The following CELF4 variants were observed in gnomAD, a reference collection of about 807,000 sequenced individuals.
CELF4 encodes the protein CUGBP Elav-like family member 4, also known as CUG-BP- and ETR-3-like factor 4.
In CELF4, 18 loss-of-function variants were observed where a neutral mutation model predicts 59.9. The observed-to-expected ratio is 0.30, with a 90% CI of 0.21 to 0.45. The LOEUF is 0.45. CELF4 is among the 20% of genes least tolerant of loss of function. The pLI, the probability that CELF4 is intolerant of heterozygous loss-of-function variation, is 1.00. For synonymous variants in CELF4, 261 were observed against 267.1 expected (o/e 0.98, Z 0.22); for missense variants, 456 against 689.0 (o/e 0.66, Z 3.79).
At chr18:37,351,608 CTTCTT>C (rs1182647330) in intron 2 of CELF4, among the ~76,000 whole-genome samples, 1,145 of 89,858 alleles carry the variant, frequency 0.013, 7 homozygotes, top group Admixed American at 0.032. Flanking sequence ...TTTTCTTCTT[CTTCTT>C]TTTTTTTTTT....
chr18:37,555,715 C>T (rs2099984578), intron 1 of CELF4, among the ~76,000 whole-genome samples: 1 of 152,210 alleles, frequency 6.6e-6, no homozygotes, highest in African/African-American at 2.4e-5. Flanking sequence ...TCTGGGCTGG[C>T]TGTCACATTG....
chr18:37,301,474 C>G (rs1443004904), intron 3 of CELF4, among the ~76,000 whole-genome samples: 1 of 152,220 alleles, frequency 6.6e-6, no homozygotes, highest in African/African-American at 2.4e-5. Context: ...CCCAGCAGGA[C>G]AGCTACCACA....
At chr18:37,491,779 G>A (rs528448048) in intron 1 of CELF4, among the ~76,000 whole-genome samples, 32 of 152,310 alleles carry the variant, frequency 2.1e-4, no homozygotes, top group South Asian at 1.5e-3. Context: ...CATGGGCAGC[G>A]TGCAGACCAT....
At chr18:37,450,460 C>G (rs2099760097) in intron 2 of CELF4, among the ~76,000 whole-genome samples, 1 of 151,726 alleles carries the variant, frequency 6.6e-6, no homozygotes, top group South Asian at 2.1e-4. Context: ...AGGAAGAGGC[C>G]TGCAAAGGAC....
rs189229811 is a variant in CELF4, at chr18:37,313,547, T to C, written c.448+8256A>G. 2.0e-4 allele frequency among the ~76,000 whole-genome samples: 31 copies of C among 152,212 alleles called. 1 individual carries two copies. Among genetic ancestry groups the C allele is most frequent in the Admixed American group, 1.9e-3 (29 of 15,284 alleles). ...AAGATTCTGGAAGGGAGAAACCCAG[T>C]ACCAAAAGTCAGCAGTTGTGGCTAG... On this transcript the variant is annotated intron_variant, in intron 3 of 12. Transcript: ENST00000420428.
chr18:37,498,008 C>T (rs1253791743), intron 1 of CELF4, among the ~76,000 whole-genome samples: 2 of 152,162 alleles, frequency 1.3e-5, no homozygotes, highest in East Asian at 3.9e-4. Context: ...ATGTCCTGAA[C>T]TCTGGACTCT....
intron 1 of CELF4, among the ~76,000 whole-genome samples, chr18:37,551,729 A>T (rs1407668635): frequency 6.6e-6 from 1 of 152,216 alleles, no homozygotes; most frequent in Non-Finnish European, 1.5e-5. Flanking sequence ...TTCTCAGCCC[A>T]AGTGGGCTGC....
rs1053234673 is a variant in CELF4 at position 37,254,048 on chromosome 18, C to T, written c.1334-110G>A. ...GGCGGGGCGGGCCTGAGGCTCTCCC[C>T]CTCGGGCCCCGCCCCCGGCCCCGCC... On this transcript the variant is annotated intron_variant, in intron 11 of 12. Transcript: ENST00000420428. This position sits in a 1 kb window ranked among gnomAD's most constrained non-coding sequence, Gnocchi z 5.1. 9.8e-6 allele frequency: 8 copies of T among 814,872 alleles called. No homozygotes were observed. Among genetic ancestry groups the T allele is most frequent in the Non-Finnish European group, 1.1e-5 (7 of 616,194 alleles). 50.5% of individuals were successfully genotyped at this position (814,872 alleles called of 1,614,324 possible).
chr18:37,297,634 C>A (rs779773266), intron 3 of CELF4, among the ~76,000 whole-genome samples: 2 of 152,256 alleles, frequency 1.3e-5, no homozygotes, highest in Non-Finnish European at 2.9e-5. Context: ...GACACCCACA[C>A]CCCTGTGAAG....
At chr18:37,409,993 C>A (rs984692618) in intron 2 of CELF4, among the ~76,000 whole-genome samples, 1 of 152,142 alleles carries the variant, frequency 6.6e-6, no homozygotes, top group African/African-American at 2.4e-5. Context: ...TGGTTGGCTG[C>A]TAATATTGGG....
chr18:37,565,341 G>T lies in CELF4; in HGVS notation c.286+15C>A, dbSNP rs2099987919. The T allele has an allele frequency of 1.4e-6, 2 of 1,460,650 alleles. No individual in the cohort carries two copies. Among genetic ancestry groups the T allele is most frequent in the South Asian group, 3.1e-5 (2 of 65,270 alleles). The allele number at this position is 1,460,650 out of a possible 1,614,324, so 90.5% of individuals were successfully genotyped here. A position where few individuals can be genotyped will look rare whatever the true frequency, so the allele number is the denominator to read the frequency against. ...CCTGCTCCCCGGCAAAGTTGGGAGG[G>T]AAAGGTGTACTCACCTTTGTGCATG... On this transcript the variant is annotated intron_variant, in intron 1 of 12. Transcript: ENST00000420428.
chr18:37,488,826 T>C (rs2099888999), intron 1 of CELF4, among the ~76,000 whole-genome samples: 1 of 152,172 alleles, frequency 6.6e-6, no homozygotes, highest in Non-Finnish European at 1.5e-5. Flanking sequence ...AGGGAATGTA[T>C]TTGTGAAAGG....
At chr18:37,520,774 T>C (rs2099956441) in intron 1 of CELF4, among the ~76,000 whole-genome samples, 1 of 152,174 alleles carries the variant, frequency 6.6e-6, no homozygotes. Context: ...TGATGTCATA[T>C]ATTTCTGGGC....
intron 12 of CELF4, among the ~76,000 whole-genome samples, chr18:37,250,165 C>A (rs563670079): frequency 6.6e-6 from 1 of 152,296 alleles, no homozygotes; most frequent in East Asian, 1.9e-4. Context: ...TGGCCACATG[C>A]ATGTTTTTGC....
chr18:37,445,676 C>T (rs1014287856), intron 2 of CELF4, among the ~76,000 whole-genome samples: 3 of 151,842 alleles, frequency 2.0e-5, no homozygotes, highest in Non-Finnish European at 4.4e-5. Context: ...GGCAGAGGGA[C>T]GGGACAGTTG....
chr18:37,506,057 TC>T (rs1163206677), intron 1 of CELF4, among the ~76,000 whole-genome samples: 1 of 151,204 alleles, frequency 6.6e-6, no homozygotes, highest in African/African-American at 2.5e-5. Context: ...GGTTTGTTTC[TC>T]CCCCCTCCCC....
At chr18:37,546,382 A>G (rs1271995993) in intron 1 of CELF4, among the ~76,000 whole-genome samples, 5 of 148,298 alleles carry the variant, frequency 3.4e-5, no homozygotes, top group African/African-American at 1.3e-4. Context: ...ACCCACGCAC[A>G]TGTATGCGCA....
intron 1 of CELF4, among the ~76,000 whole-genome samples, chr18:37,497,737 A>T (rs1303152187): frequency 6.6e-6 from 1 of 152,172 alleles, no homozygotes; most frequent in Non-Finnish European, 1.5e-5. Context: ...CATACCTATC[A>T]AGCCAAAGTT....
intron 10 of CELF4, among the ~76,000 whole-genome samples, chr18:37,262,152 C>T (rs1240825458): frequency 2.0e-5 from 3 of 152,212 alleles, no homozygotes; most frequent in South Asian, 2.1e-4. Flanking sequence ...CTCATCCTTC[C>T]AGACCCACAG....
Sources: allele counts gnomAD v4.1 joint callset (sites outside exome capture counted in the v4.1 genomes callset), GRCh38; gene constraint gnomAD v4.1.1; non-coding constraint Gnocchi (gnomAD v3.1); transcripts MANE v1.5; gene names NCBI Gene and HGNC (gene_info 2026-07-23, HGNC 2026-07-21).